PTPRG: variants seen among roughly 807,000 people sequenced by gnomAD.
PTPRG encodes the protein protein tyrosine phosphatase receptor type G.
Under a neutral mutation model 165.3 loss-of-function variants are expected in PTPRG, and 102 were observed. The observed-to-expected ratio is 0.62, with a 90% confidence interval of 0.53 to 0.73. PTPRG has a LOEUF of 0.73. Ranked by LOEUF, PTPRG falls within the 30% of genes least tolerant of loss-of-function variation. PTPRG has a pLI of 0.00. For synonymous variants in PTPRG, 675 were observed against 669.5 expected (o/e 1.01, Z -0.13); for missense variants, 1,866 against 1,861.4 (o/e 1.00, Z -0.05).
rs371046136 is a variant in PTPRG at position 61,959,815 on chromosome 3, C to G, written c.191-29810C>G. ...AGTGTCCCTGCCTGTGTGAGAAACC[C>G]TCCTGGACCACTAAAGCCCAGTGTC... On this transcript the variant is annotated intron_variant, in intron 2 of 29. Coordinates refer to ENST00000474889, the MANE Select transcript of PTPRG (RefSeq NM_002841.4). Among the ~76,000 whole-genome samples the G allele has an allele frequency of 3.3e-5, 5 of 152,326 alleles. No homozygotes were observed. In the East Asian group the frequency reaches 7.7e-4, roughly 23 times the overall value.
intron 9 of PTPRG, among the ~76,000 whole-genome samples, chr3:62,192,587 A>G (rs1365028940): frequency 6.7e-6 from 1 of 150,222 alleles, no homozygotes; most frequent in African/African-American, 2.4e-5. Context: ...TTTTTTTTGT[A>G]TTTTTAGTAG....
At chr3:61,922,129 G>A (rs1299288585) in intron 2 of PTPRG, among the ~76,000 whole-genome samples, 1 of 152,190 alleles carries the variant, frequency 6.6e-6, no homozygotes, top group East Asian at 1.9e-4. Context: ...AAGTGAATGT[G>A]ATCTGCCCTG....
intron 2 of PTPRG, among the ~76,000 whole-genome samples, chr3:61,858,928 G>A (rs945760884): frequency 3.9e-5 from 6 of 152,098 alleles, no homozygotes; most frequent in African/African-American, 1.4e-4. Context: ...AATGCTCTCC[G>A]TTTTCTTCCT....
intron 4 of PTPRG, among the ~76,000 whole-genome samples, chr3:62,068,150 G>T (rs568736839): frequency 6.6e-6 from 1 of 152,164 alleles, no homozygotes; most frequent in African/African-American, 2.4e-5. Flanking sequence ...AAAAATAAGA[G>T]TATCACTTCT....
At chr3:62,010,959 T>C (rs1425513203) in intron 4 of PTPRG, among the ~76,000 whole-genome samples, 1 of 151,670 alleles carries the variant, frequency 6.6e-6, no homozygotes, top group Non-Finnish European at 1.5e-5. Flanking sequence ...CACCAGAGAG[T>C]GAGTGCAGTA....
At chr3:61,992,624 A>T (rs536187953) in intron 3 of PTPRG, among the ~76,000 whole-genome samples, 1 of 152,108 alleles carries the variant, frequency 6.6e-6, no homozygotes, top group Non-Finnish European at 1.5e-5. Flanking sequence ...GGTTGAAGCA[A>T]TTCTCCCACC....
At chr3:61,692,475 A>G (rs1047753891) in intron 1 of PTPRG, among the ~76,000 whole-genome samples, 4 of 152,222 alleles carry the variant, frequency 2.6e-5, no homozygotes, top group Non-Finnish European at 4.4e-5. Context: ...GGAAATTTTC[A>G]TGCGCGTCCG....
chr3:62,089,133 T>C (rs545261422), intron 5 of PTPRG, among the ~76,000 whole-genome samples: 7 of 152,350 alleles, frequency 4.6e-5, no homozygotes, highest in African/African-American at 1.7e-4. Context: ...AGAACTTTTG[T>C]TCTTTGTCTT....
At chr3:61,591,283 G>C (rs1034047340) in intron 1 of PTPRG, among the ~76,000 whole-genome samples, 2 of 152,196 alleles carry the variant, frequency 1.3e-5, no homozygotes, top group African/African-American at 4.8e-5. Flanking sequence ...CCTTCTTATG[G>C]TACTGGATAC....
intron 2 of PTPRG, among the ~76,000 whole-genome samples, chr3:61,926,609 CTCCTTCCTTCCT>C (rs1190200426): frequency 1.1e-5 from 1 of 94,842 alleles, no homozygotes; most frequent in East Asian, 4.3e-4. Context: ...CCCTCCCTCC[CTCCTTCCTTCCT>C]TCCTTCCTTC....
At chr3:62,001,467 G>T (rs1392658371) in intron 3 of PTPRG, among the ~76,000 whole-genome samples, 1 of 152,074 alleles carries the variant, frequency 6.6e-6, no homozygotes, top group African/African-American at 2.4e-5. Context: ...GTTATGTATG[G>T]AACTTATAAC....
At chr3:61,840,765 G>GTTTTTTTTT (rs145859383) in intron 2 of PTPRG, among the ~76,000 whole-genome samples, 1 of 119,542 alleles carries the variant, frequency 8.4e-6, no homozygotes, top group Non-Finnish European at 1.7e-5. Context: ...TTCAGATGGA[G>GTTTTTTTTT]TTTTTTTTGT....
rs575986570 is a variant in PTPRG at position 62,127,399 on chromosome 3, C to T, written c.616-5203C>T. On this transcript the variant is annotated intron_variant, in intron 5 of 29. Coordinates refer to ENST00000474889, the MANE Select transcript of PTPRG (RefSeq NM_002841.4). Reference sequence around the variant, plus strand: ...AATCAAACATCCTGAGAAGTGCTTGCCCTTGTCCTCATACAGCAAATTAGC... The same window carrying T: ...AATCAAACATCCTGAGAAGTGCTTGTCCTTGTCCTCATACAGCAAATTAGC... 3.3e-4 allele frequency among the ~76,000 whole-genome samples: 51 copies of T among 152,252 alleles called. No homozygotes were observed. The Middle Eastern group carries it at 0.01, about 30-fold the overall frequency.
intron 1 of PTPRG, among the ~76,000 whole-genome samples, chr3:61,568,199 G>A (rs536234250): frequency 4.6e-5 from 7 of 152,320 alleles, no homozygotes; most frequent in African/African-American, 1.4e-4. Flanking sequence ...CCAGAAACCT[G>A]TATTTACGTC....
At chr3:61,991,493 A>G (rs2040888803) in intron 3 of PTPRG, among the ~76,000 whole-genome samples, 2 of 152,206 alleles carry the variant, frequency 1.3e-5, no homozygotes, top group South Asian at 2.1e-4. Context: ...GGCATGAGCC[A>G]CTGCACCTGG....
At chr3:62,123,974 G>C (rs1576031532) in intron 5 of PTPRG, among the ~76,000 whole-genome samples, 1 of 152,242 alleles carries the variant, frequency 6.6e-6, no homozygotes, top group East Asian at 1.9e-4. Flanking sequence ...ACTGCAGAAA[G>C]GGCATTTAAA....
intron 14 of PTPRG, among the ~76,000 whole-genome samples, chr3:62,238,733 G>C (rs2106939854): frequency 6.6e-6 from 1 of 152,242 alleles, no homozygotes; most frequent in African/African-American, 2.4e-5. Flanking sequence ...GCTATGCACT[G>C]CTTGTTAATA....
intron 1 of PTPRG, among the ~76,000 whole-genome samples, chr3:61,573,711 G>T (rs1383458490): frequency 6.6e-6 from 1 of 152,198 alleles, no homozygotes. Flanking sequence ...CTGACAGAAT[G>T]AGTAGATAAT....
At chr3:61,833,653 C>T (rs1253222657) in intron 2 of PTPRG, among the ~76,000 whole-genome samples, 2 of 150,662 alleles carry the variant, frequency 1.3e-5, no homozygotes, top group Non-Finnish European at 3.0e-5. Context: ...ACCTCCGCCA[C>T]CTGGGTTCAA....
Sources: allele counts gnomAD v4.1 joint callset (sites outside exome capture counted in the v4.1 genomes callset), GRCh38; gene constraint gnomAD v4.1.1; transcripts MANE v1.5; gene names NCBI Gene and HGNC (gene_info 2026-07-23, HGNC 2026-07-21).